Variants in FAT3 observed in about 807,000 individuals in gnomAD.
FAT3 encodes the protein protocadherin Fat 3.
Under a neutral mutation model 310.2 loss-of-function variants are expected in FAT3, and 95 were observed. That is an observed-to-expected ratio of 0.31 (90% CI 0.26 to 0.36). The LOEUF is 0.36. Among genes scored for constraint, FAT3 ranks in the 10% least tolerant of loss-of-function variants. The pLI is 1.00. For synonymous variants in FAT3, 2,314 were observed against 2,192.9 expected (o/e 1.06, Z -1.54); for missense variants, 5,408 against 5,715.6 (o/e 0.95, Z 1.74).
At position 92,524,661 on chromosome 11, in the gene FAT3, A is replaced by G. The variant is rs756552352; in HGVS notation, c.3320A>G (p.Asp1107Gly). ...GTCATCACTGCCGCAGACATTCTTG[A>G]TCGGGAGACAATGGGGTCATACTGG... ...SGVITAADIL[D>G]RETMGSYWLT... Residue 1107 changes from aspartate (D) to glycine (G), a missense_variant, in exon 3 of 28, where the codon GAT becomes GGT. Coordinates refer to ENST00000525166, the MANE Select transcript of FAT3 (RefSeq NM_001367949.2). The G allele has an allele frequency of 6.2e-7, 1 of 1,613,450 alleles. No individual in the cohort carries two copies. Among genetic ancestry groups the G allele is most frequent in the South Asian group, 1.1e-5 (1 of 91,034 alleles).
intron 3 of FAT3, among the ~76,000 whole-genome samples, chr11:92,607,058 C>T (rs961617219): frequency 1.3e-5 from 2 of 152,202 alleles, no homozygotes; most frequent in African/African-American, 4.8e-5. Flanking sequence ...ACCATCACAA[C>T]TCGTGGATGT....
Position 92,349,195 on chromosome 11 carries a change from A to G in FAT3, c.-17-2901A>G, listed in dbSNP as rs1948495514. Among the ~76,000 whole-genome samples, 3 of 152,118 alleles carry G rather than the reference A, an allele frequency of 2.0e-5. No individual in the cohort carries two copies. The South Asian group carries it at 6.2e-4, about 32-fold the overall frequency. On this transcript the variant is annotated intron_variant, in intron 1 of 27. Transcript: ENST00000525166. ...GAGTGGGAAATAAGGCAGAAACTTTATTTGTATTTCTCTGGAGCATTCTGG... is the reference window on the plus strand; with the variant it reads ...GAGTGGGAAATAAGGCAGAAACTTTGTTTGTATTTCTCTGGAGCATTCTGG...
intron 19 of FAT3, among the ~76,000 whole-genome samples, chr11:92,850,325 C>CCATCCTGGTG (rs1406350214): frequency 6.6e-6 from 1 of 152,110 alleles, no homozygotes; most frequent in East Asian, 1.9e-4. Context: ...GTGGAGGTCC[C>CCATCCTGGTG]CATCCTGGTG....
intron 3 of FAT3, among the ~76,000 whole-genome samples, chr11:92,614,994 C>T (rs1423786983): frequency 3.9e-5 from 6 of 152,134 alleles, no homozygotes; most frequent in Non-Finnish European, 7.4e-5. Context: ...ATTGTCTTAG[C>T]ACCTTTGTTG....
intron 1 of FAT3, among the ~76,000 whole-genome samples, chr11:92,241,973 C>T (rs765721140): frequency 3.9e-5 from 6 of 151,974 alleles, no homozygotes; most frequent in Non-Finnish European, 8.8e-5. Flanking sequence ...AAAATCACTG[C>T]TAACTCAAGG....
chr11:92,396,581 G>A (rs1027654084), intron 2 of FAT3, among the ~76,000 whole-genome samples: 1 of 152,198 alleles, frequency 6.6e-6, no homozygotes, highest in Non-Finnish European at 1.5e-5. Context: ...CAGGGACCCC[G>A]TGGAAGTGCA....
At chr11:92,535,728 C>A (rs183179353) in intron 3 of FAT3, among the ~76,000 whole-genome samples, 1 of 151,268 alleles carries the variant, frequency 6.6e-6, no homozygotes, top group Non-Finnish European at 1.5e-5. Flanking sequence ...TGAGAGACTT[C>A]TAAGTCTCTC....
At position 92,353,025 on chromosome 11, in the gene FAT3, G is replaced by A. The variant is rs1948613794; in HGVS notation, c.913G>A (p.Ala305Thr). 1.2e-6 allele frequency: 2 copies of A among 1,613,590 alleles called. No individual in the cohort carries two copies. The highest frequency in any genetic ancestry group is 1.3e-5 in the African/African-American group (1 of 74,890). The change falls in exon 2 of 28, where the codon GCT (alanine) becomes ACT (threonine). Residue 305 changes from alanine (A) to threonine (T), a missense_variant. Physicochemically the swap from Ala to Thr is moderately conservative, Grantham distance 58. Transcript: ENST00000525166. ...NGEIESVSIV[A>T]GDPLDQFFLA... ...AGAGATCGAATCTGTTTCCATTGTG[G>A]CTGGGGATCCTTTAGATCAGTTCTT... is the stretch of plus-strand genomic sequence containing the variant.
chr11:92,640,650 C>A (rs1189063171), intron 3 of FAT3, among the ~76,000 whole-genome samples: 1 of 152,182 alleles, frequency 6.6e-6, no homozygotes, highest in Non-Finnish European at 1.5e-5. Flanking sequence ...GCACACTGCA[C>A]TTTCACCTTT....
chr11:92,575,374 A>G (rs1469601222), intron 3 of FAT3, among the ~76,000 whole-genome samples: 2 of 152,206 alleles, frequency 1.3e-5, no homozygotes, highest in Non-Finnish European at 2.9e-5. Flanking sequence ...CCCAGAAACC[A>G]CAACAATAAT....
intron 3 of FAT3, among the ~76,000 whole-genome samples, chr11:92,639,259 G>A (rs867596050): frequency 3.1e-4 from 47 of 152,086 alleles, no homozygotes; most frequent in African/African-American, 1.1e-3. Context: ...TGCCACTCTA[G>A]AGCAAACGTC....
intron 13 of FAT3, among the ~76,000 whole-genome samples, chr11:92,826,915 G>A (rs1785241188): frequency 6.6e-6 from 1 of 152,136 alleles, no homozygotes; most frequent in Admixed American, 6.5e-5. Context: ...GCTCTTTCTG[G>A]TTCCTTAAGT....
chr11:92,878,468 C>T (rs755907685), intron 22 of FAT3, among the ~76,000 whole-genome samples: 2 of 151,466 alleles, frequency 1.3e-5, no homozygotes, highest in Non-Finnish European at 2.9e-5. Flanking sequence ...ATAGGCTACC[C>T]AAGTTGACAC....
intron 2 of FAT3, among the ~76,000 whole-genome samples, chr11:92,393,414 G>A (rs915923998): frequency 7.2e-5 from 11 of 152,148 alleles, no homozygotes; most frequent in African/African-American, 2.7e-4. Context: ...TGCTATGGCA[G>A]CATCTGTTGA....
intron 1 of FAT3, among the ~76,000 whole-genome samples, chr11:92,303,941 G>C (rs571971101): frequency 2.0e-5 from 3 of 152,002 alleles, no homozygotes; most frequent in Non-Finnish European, 4.4e-5. Flanking sequence ...GCAATTGTGT[G>C]GTTACAAAAA....
At chr11:92,226,243 G>A (rs1183680460) in intron 1 of FAT3, among the ~76,000 whole-genome samples, 1 of 152,204 alleles carries the variant, frequency 6.6e-6, no homozygotes, top group African/African-American at 2.4e-5. Flanking sequence ...TTGCATGATG[G>A]CGAGCCCGGA....
intron 2 of FAT3, among the ~76,000 whole-genome samples, chr11:92,405,965 T>C (rs895107538): frequency 1.3e-5 from 2 of 152,212 alleles, no homozygotes; most frequent in African/African-American, 4.8e-5. Flanking sequence ...CCCAACTTCC[T>C]AGTTAAAACT....
At chr11:92,763,210 C>T (rs1387403484) in intron 5 of FAT3, among the ~76,000 whole-genome samples, 1 of 151,536 alleles carries the variant, frequency 6.6e-6, no homozygotes, top group Non-Finnish European at 1.5e-5. Flanking sequence ...TTATCCTTCT[C>T]TGCTAGGTCT....
intron 2 of FAT3, among the ~76,000 whole-genome samples, chr11:92,432,213 C>T (rs557854607): frequency 1.3e-5 from 2 of 152,258 alleles, no homozygotes; most frequent in East Asian, 1.9e-4. Context: ...AGGTCCTTCA[C>T]GTCCCTTGTA....
Sources: gnomAD v4.1 joint callset for allele counts (sites outside exome capture counted in the v4.1 genomes callset) on GRCh38, gnomAD v4.1.1 for gene constraint, MANE v1.5 for transcripts, NCBI Gene and HGNC (gene_info 2026-07-23, HGNC 2026-07-21) for gene names.